Variants in TEX11 observed in about 807,000 individuals in gnomAD.
TEX11 encodes testis expressed 11.
In TEX11, 7 loss-of-function variants were observed where a neutral mutation model predicts 84.4. The ratio of observed to expected loss-of-function variants is 0.08; its 90% CI spans 0.05 to 0.16. The LOEUF is 0.16. Among genes scored for constraint, TEX11 ranks in the 10% least tolerant of loss-of-function variants. The pLI is 1.00. For synonymous variants in TEX11, 264 were observed against 222.8 expected (o/e 1.18, Z -1.64); for missense variants, 551 against 660.5 (o/e 0.83, Z 1.82).
intron 8 of TEX11, among the ~76,000 whole-genome samples, chrX:70,831,492 G>A (rs1044315417): frequency 1.8e-5 from 2 of 111,042 alleles, no homozygotes; most frequent in African/African-American, 6.6e-5. Context: ...AGCCAGCCTT[G>A]GTGGCACGCA....
intron 14 of TEX11, among the ~76,000 whole-genome samples, chrX:70,682,349 C>T (rs1215791857): frequency 1.8e-5 from 2 of 111,334 alleles, no homozygotes; most frequent in Non-Finnish European, 3.8e-5. Flanking sequence ...TTGACTTGTT[C>T]AAAGGTACAC....
chrX:70,589,613 G>A (rs1258870228), intron 25 of TEX11, among the ~76,000 whole-genome samples: 2 of 111,459 alleles, frequency 1.8e-5, no homozygotes, highest in Non-Finnish European at 3.8e-5. Context: ...AACTCCGCCT[G>A]CGGGGTTCAA....
At chrX:70,598,736 T>C (rs759703572) in intron 24 of TEX11, among the ~76,000 whole-genome samples, 13 of 111,635 alleles carry the variant, frequency 1.2e-4, no homozygotes, top group Non-Finnish European at 2.4e-4. Flanking sequence ...ACCTTGAAAA[T>C]GTTATTCAGG....
At chrX:70,598,556 T>C (rs1027426118) in intron 24 of TEX11, among the ~76,000 whole-genome samples, 2 of 112,195 alleles carry the variant, frequency 1.8e-5, no homozygotes, top group African/African-American at 6.5e-5. Flanking sequence ...ATGCAAAAAT[T>C]TGTACATAAA....
chrX:70,573,046 C>A (rs752959616), intron 25 of TEX11, among the ~76,000 whole-genome samples: 2 of 111,587 alleles, frequency 1.8e-5, no homozygotes, highest in Non-Finnish European at 3.8e-5. Context: ...TTTGTCCTTT[C>A]TAAAAGCAAA....
rs745908291 is a variant in TEX11 at position 70,764,088 on chromosome X, C to T, written c.693-19869G>A. ...CAAAGACAGACCAAATGTTAGGTCA[C>T]AAAACAAGTTGTAAACACGCAAAAA... is the stretch of plus-strand genomic sequence containing the variant. On this transcript the variant is annotated intron_variant, in intron 9 of 29. Coordinates refer to ENST00000374333, the MANE Select transcript of TEX11 (RefSeq NM_031276.3). Among the ~76,000 whole-genome samples, 10 of 111,929 alleles carry T rather than the reference C, an allele frequency of 8.9e-5. No homozygotes were observed. In the South Asian group the frequency reaches 2.2e-3, roughly 25 times the overall value.
At chrX:70,881,644 T>C (rs1015214794) in intron 2 of TEX11, among the ~76,000 whole-genome samples, 1 of 111,336 alleles carries the variant, frequency 9.0e-6, no homozygotes, top group African/African-American at 3.3e-5. Flanking sequence ...ATATCCTATT[T>C]ACCCTGATGT....
chrX:70,557,294 T>G (rs2088298978), intron 25 of TEX11, among the ~76,000 whole-genome samples: 1 of 92,175 alleles, frequency 1.1e-5, no homozygotes, highest in Non-Finnish European at 2.2e-5. Flanking sequence ...CATGGCAGAA[T>G]CCCATCTCTA....
intron 9 of TEX11, among the ~76,000 whole-genome samples, chrX:70,770,837 A>G (rs1295501325): frequency 9.0e-6 from 1 of 111,546 alleles, no homozygotes; most frequent in African/African-American, 3.3e-5. Context: ...AGAGGTATAC[A>G]ATAAGTTTTA....
intron 2 of TEX11, among the ~76,000 whole-genome samples, chrX:70,902,103 A>G (rs1326178421): frequency 9.0e-6 from 1 of 111,531 alleles, no homozygotes; most frequent in Admixed American, 9.5e-5. Context: ...ATTAAAAATT[A>G]TCTGGGCATG....
intron 25 of TEX11, among the ~76,000 whole-genome samples, chrX:70,589,322 A>G (rs1254908328): frequency 9.1e-6 from 1 of 109,732 alleles, no homozygotes; most frequent in Non-Finnish European, 1.9e-5. Flanking sequence ...CTATATATAA[A>G]CTATATAGAT....
intron 9 of TEX11, among the ~76,000 whole-genome samples, chrX:70,758,853 AATAG>A (rs1481476221): frequency 9.0e-6 from 1 of 111,682 alleles, no homozygotes; most frequent in Non-Finnish European, 1.9e-5. Context: ...AAATCAACAA[AATAG>A]ATAGACTGCT....
chrX:70,622,603 T>A (rs1364242572), intron 20 of TEX11, among the ~76,000 whole-genome samples: 1 of 111,978 alleles, frequency 8.9e-6, no homozygotes, highest in Non-Finnish European at 1.9e-5. Flanking sequence ...ACAAATATAG[T>A]CCTAGCCCTA....
At chrX:70,854,242 C>A (rs1273199892) in intron 5 of TEX11, among the ~76,000 whole-genome samples, 2 of 111,174 alleles carry the variant, frequency 1.8e-5, no homozygotes, top group African/African-American at 3.3e-5. Flanking sequence ...ATAATAGTCA[C>A]AATCAATAAC....
chrX:70,672,616 G>T (rs1575682), intron 15 of TEX11, among the ~76,000 whole-genome samples: 41,875 of 109,773 alleles, frequency 0.38, 6,919 homozygotes, highest in African/African-American at 0.64. Flanking sequence ...ATCTTTTTTG[G>T]GTGCTTATTT....
intron 25 of TEX11, among the ~76,000 whole-genome samples, chrX:70,590,424 A>G (rs2088913499): frequency 1.8e-5 from 2 of 111,863 alleles, no homozygotes; most frequent in Admixed American, 1.9e-4. Flanking sequence ...ATAACATACT[A>G]TGACCAAATA....
In TEX11 at chrX:70,853,132, T is replaced by G. The variant is rs181134374; in HGVS notation, c.427A>C (p.Lys143Gln). 1.1e-4 allele frequency: 127 copies of G among 1,208,513 alleles called. No homozygotes were observed. The East Asian group carries it at 3.6e-3, about 34-fold the overall frequency. Residue 143 changes from lysine to glutamine, a missense_variant, in exon 7 of 30, where the codon AAA becomes CAA. Coordinates refer to ENST00000374333, the MANE Select transcript of TEX11 (RefSeq NM_031276.3). The part of the protein sequence containing the change: ...AVASLEQLYV[K>Q]LIQRSSPEAD... ...TCAGGGGAGCTCCTTTGAATTAATT[T>G]GACGTATAATTGCTCCAGACTCTGG...
At chrX:70,876,749 C>T (rs370130413) in intron 3 of TEX11, among the ~76,000 whole-genome samples, 2 of 111,023 alleles carry the variant, frequency 1.8e-5, no homozygotes, top group Non-Finnish European at 3.8e-5. Context: ...GGAGAAACCC[C>T]ATCTCTATGA....
Position 70,623,943 on chromosome X carries a change from A to AACTC in TEX11, c.1751+3_1751+6dup. 3.3e-6 allele frequency: 4 copies of AACTC among 1,198,136 alleles called. No homozygotes were observed. Among genetic ancestry groups the AACTC allele is most frequent in the Non-Finnish European group, 4.5e-6 (4 of 886,718 alleles). On this transcript the variant is annotated splice_region_variant and intron_variant, in intron 20 of 29. Transcript: ENST00000374333. ...GGGAATACATCATTTTTGTTGAAAT[A>AACTC]ACTCACTTATCTTCAGATTCCGGCA...
Sources: gnomAD v4.1 joint callset for allele counts (sites outside exome capture counted in the v4.1 genomes callset) on GRCh38, gnomAD v4.1.1 for gene constraint, MANE v1.5 for transcripts, NCBI Gene and HGNC (gene_info 2026-07-23, HGNC 2026-07-21) for gene names.